The following GMDS variants were observed in gnomAD, a reference collection of about 807,000 sequenced individuals.
GMDS encodes GDP-mannose 4,6 dehydratase.
GMDS carries 20 observed loss-of-function variants against 49.9 expected under a neutral mutation model. The ratio of observed to expected loss-of-function variants is 0.40; its 90% CI spans 0.28 to 0.58. GMDS has a LOEUF of 0.58. Among genes scored for constraint, GMDS ranks in the 20% least tolerant of loss-of-function variants. The probability of loss-of-function intolerance (pLI) is 0.42; values close to 1 mark genes in which losing one functional copy is unlikely to be tolerated. For synonymous variants in GMDS, 177 were observed against 178.6 expected, an observed-to-expected ratio of 0.99 and a Z score of 0.07; for missense variants, 362 against 481.4, an observed-to-expected ratio of 0.75 and a Z score of 2.32.
chr6:2,072,724 T>C (rs1174443283), intron 4 of GMDS, among the ~76,000 whole-genome samples: 2 of 152,180 alleles, frequency 1.3e-5, no homozygotes, highest in African/African-American at 2.4e-5. Flanking sequence ...GACCATTTCA[T>C]CAGCATTTAG....
intron 6 of GMDS, among the ~76,000 whole-genome samples, chr6:1,947,747 C>T (rs565131582): frequency 1.3e-5 from 2 of 152,200 alleles, no homozygotes; most frequent in Non-Finnish European, 2.9e-5. Flanking sequence ...ATAACAATAT[C>T]TGGGAATTAG....
rs1779067041 is a variant in GMDS at position 2,192,366 on chromosome 6, G to A, written c.102+52955C>T. 2.6e-5 allele frequency among the ~76,000 whole-genome samples: 4 copies of A among 152,172 alleles called. No individual in the cohort carries two copies. The South Asian group carries it at 8.3e-4, about 32-fold the overall frequency. ...TGCCTTGCTCACCCTCCACTTGTCT[G>A]CGTACCTCAGTCTTCCTGGTCACAA... On this transcript the variant is annotated intron_variant, in intron 1 of 10. Transcript: ENST00000380815.
intron 7 of GMDS, among the ~76,000 whole-genome samples, chr6:1,886,026 G>A (rs1759590640): frequency 6.6e-6 from 1 of 152,184 alleles, no homozygotes; most frequent in African/African-American, 2.4e-5. Flanking sequence ...CAATCTGAAT[G>A]TTTCTGTAAT....
intron 4 of GMDS, among the ~76,000 whole-genome samples, chr6:2,098,748 G>C (rs1773755897): frequency 6.6e-6 from 1 of 152,114 alleles, no homozygotes; most frequent in South Asian, 2.1e-4. Flanking sequence ...TTGACAGTAT[G>C]AAATGCCACT....
At chr6:1,789,036 T>G (rs1219757717) in intron 7 of GMDS, among the ~76,000 whole-genome samples, 3 of 152,118 alleles carry the variant, frequency 2.0e-5, no homozygotes, top group African/African-American at 7.2e-5. Context: ...GTTTCATAAT[T>G]TGCTAGGATG....
At chr6:1,809,407 A>G (rs186048347) in intron 7 of GMDS, among the ~76,000 whole-genome samples, 8 of 152,334 alleles carry the variant, frequency 5.3e-5, no homozygotes, top group Non-Finnish European at 1.0e-4. Flanking sequence ...TTGCTTAATA[A>G]ATTACATTCT....
chr6:2,040,743 T>G (rs755066461), intron 4 of GMDS, among the ~76,000 whole-genome samples: 1 of 151,970 alleles, frequency 6.6e-6, no homozygotes, highest in African/African-American at 2.4e-5. Flanking sequence ...CTCACCCTTC[T>G]CCCCCGAAGC....
chr6:2,034,188 C>T (rs76459312), intron 4 of GMDS, among the ~76,000 whole-genome samples: 8,915 of 152,122 alleles, frequency 0.059, 356 homozygotes, highest in Non-Finnish European at 0.088. Context: ...CTTTAGTTTA[C>T]GGACAGACAG....
chr6:2,239,908 G>A (rs1053729382), intron 1 of GMDS, among the ~76,000 whole-genome samples: 1 of 151,924 alleles, frequency 6.6e-6, no homozygotes, highest in Non-Finnish European at 1.5e-5. Context: ...GGATGGTATC[G>A]ATCTCCTGAC....
chr6:1,885,695 T>A (rs767231118), intron 7 of GMDS, among the ~76,000 whole-genome samples: 12 of 152,226 alleles, frequency 7.9e-5, no homozygotes, highest in Non-Finnish European at 1.5e-4. Flanking sequence ...CGTTTAAGTG[T>A]CTGATGTTAC....
At chr6:1,865,640 G>A (rs1054148043) in intron 7 of GMDS, among the ~76,000 whole-genome samples, 2 of 152,070 alleles carry the variant, frequency 1.3e-5, no homozygotes, top group East Asian at 1.9e-4. Flanking sequence ...AAAAAAGAAC[G>A]AAAGGAAAAA....
At chr6:1,947,865 T>G (rs1320818297) in intron 6 of GMDS, among the ~76,000 whole-genome samples, 1 of 152,234 alleles carries the variant, frequency 6.6e-6, no homozygotes, top group African/African-American at 2.4e-5. Flanking sequence ...CTTACTAAGC[T>G]CTGAAACCTT....
intron 7 of GMDS, among the ~76,000 whole-genome samples, chr6:1,917,799 C>T (rs1318751112): frequency 6.6e-6 from 1 of 152,174 alleles, no homozygotes; most frequent in Admixed American, 6.5e-5. Context: ...TGGAATGCAA[C>T]CTGTACCCTC....
chr6:1,720,150 T>A (rs887726529), intron 9 of GMDS, among the ~76,000 whole-genome samples: 29 of 152,168 alleles, frequency 1.9e-4, no homozygotes, highest in Non-Finnish European at 3.8e-4. Context: ...GAAAAGAAAC[T>A]TCAAGGAAAA....
intron 7 of GMDS, among the ~76,000 whole-genome samples, chr6:1,854,381 A>G (rs188529578): frequency 1.7e-4 from 26 of 152,374 alleles, no homozygotes; most frequent in Admixed American, 1.1e-3. Context: ...TGTAAACACC[A>G]AAACACAACA....
intron 1 of GMDS, among the ~76,000 whole-genome samples, chr6:2,208,916 A>G (rs970783491): frequency 3.9e-5 from 6 of 151,932 alleles, no homozygotes; most frequent in African/African-American, 1.2e-4. Context: ...GGTAACAACT[A>G]CGTGTCTGAC....
At chr6:2,027,925 T>C (rs1768702957) in intron 4 of GMDS, among the ~76,000 whole-genome samples, 1 of 152,198 alleles carries the variant, frequency 6.6e-6, no homozygotes, top group Admixed American at 6.5e-5. Flanking sequence ...TGCAGAGTCC[T>C]GTTCTTCTAC....
chr6:2,207,819 G>C (rs1429271689), intron 1 of GMDS, among the ~76,000 whole-genome samples: 1 of 151,976 alleles, frequency 6.6e-6, no homozygotes, highest in Non-Finnish European at 1.5e-5. Flanking sequence ...AGGTTAACAT[G>C]GCCACAGGCA....
chr6:2,122,169 C>A (rs995522227), intron 2 of GMDS, among the ~76,000 whole-genome samples: 7 of 152,270 alleles, frequency 4.6e-5, no homozygotes, highest in Non-Finnish European at 1.0e-4. Context: ...GTACCGTGTT[C>A]AACTTCATCA....
Sources: allele counts gnomAD v4.1 joint callset (sites outside exome capture counted in the v4.1 genomes callset), GRCh38; gene constraint gnomAD v4.1.1; transcripts MANE v1.5; gene names NCBI Gene and HGNC (gene_info 2026-07-23, HGNC 2026-07-21).